GPHN: variants seen among roughly 807,000 people sequenced by gnomAD.
The protein encoded by GPHN is gephyrin.
In GPHN, 17 loss-of-function variants were observed where a neutral mutation model predicts 95.5. That is an observed-to-expected ratio of 0.18 (90% CI 0.12 to 0.27). The LOEUF (loss-of-function observed/expected upper bound fraction) is 0.27, where lower values mean the gene tolerates loss of function less well. Ranked by LOEUF, GPHN falls within the 10% of genes least tolerant of loss-of-function variation. The pLI is 1.00. For missense variants in GPHN, 660 were observed against 978.1 expected (o/e 0.67, Z 4.34); for synonymous variants, 320 against 322.5 (o/e 0.99, Z 0.08).
At chr14:66,819,431 C>G (rs1224298578) in intron 3 of GPHN, among the ~76,000 whole-genome samples, 2 of 151,894 alleles carry the variant, frequency 1.3e-5, no homozygotes, top group Non-Finnish European at 2.9e-5. Context: ...GTCCCCATTG[C>G]TTGTTTTTGT....
chr14:67,674,068 T>A, the GPHN span, among the ~76,000 whole-genome samples: 1 of 152,118 alleles, frequency 6.6e-6, no homozygotes, highest in Non-Finnish European at 1.5e-5. Flanking sequence ...AAAACAGCTA[T>A]GAAAGAAACC....
At chr14:67,435,036 G>A in the GPHN span, among the ~76,000 whole-genome samples, 7 of 145,512 alleles carry the variant, frequency 4.8e-5, no homozygotes, top group African/African-American at 1.3e-4. Flanking sequence ...GTGCCATTTC[G>A]GCTCACTGCA....
intron 4 of GPHN, among the ~76,000 whole-genome samples, chr14:66,871,952 T>A (rs1279786723): frequency 6.6e-6 from 1 of 152,182 alleles, no homozygotes; most frequent in Non-Finnish European, 1.5e-5. Context: ...TAAAAAAAAA[T>A]TTAAATACGT....
chr14:67,579,532 C>A, the GPHN span: 1 of 655,238 alleles, frequency 1.5e-6, no homozygotes, highest in Non-Finnish European at 2.6e-6. Context: ...ATGCCCAGTT[C>A]ATTTACAGTG....
At chr14:66,951,913 G>A (rs2068134109) in intron 8 of GPHN, among the ~76,000 whole-genome samples, 2 of 151,930 alleles carry the variant, frequency 1.3e-5, no homozygotes, top group South Asian at 2.1e-4. Flanking sequence ...TCAACTCCAG[G>A]TGTATTAGAG....
chr14:67,044,828 C>G (rs753927278), intron 10 of GPHN, among the ~76,000 whole-genome samples: 8 of 151,684 alleles, frequency 5.3e-5, no homozygotes, highest in Non-Finnish European at 7.4e-5. Context: ...GTCTCTGTCT[C>G]TCTGTTGGTG....
chr14:66,845,951 G>A (rs538854225), intron 4 of GPHN, among the ~76,000 whole-genome samples: 6 of 152,120 alleles, frequency 3.9e-5, no homozygotes, highest in Admixed American at 6.6e-5. Flanking sequence ...ACTCTGTACC[G>A]TAGTGGCCTA....
intron 11 of GPHN, among the ~76,000 whole-genome samples, chr14:67,079,372 T>C (rs1316099542): frequency 6.6e-6 from 1 of 152,078 alleles, no homozygotes; most frequent in Admixed American, 6.6e-5. Flanking sequence ...AACATTTTCA[T>C]TAATTCAAAA....
the GPHN span, among the ~76,000 whole-genome samples, chr14:67,628,588 T>C: frequency 6.6e-6 from 1 of 152,222 alleles, no homozygotes; most frequent in African/African-American, 2.4e-5. Flanking sequence ...ATACCTCTTA[T>C]CAAAAGTTTT....
chr14:67,153,378 G>A (rs1197344197), intron 18 of GPHN, among the ~76,000 whole-genome samples: 3 of 152,192 alleles, frequency 2.0e-5, no homozygotes, highest in Non-Finnish European at 4.4e-5. Context: ...GCATGGATGG[G>A]TTCTGGTGAG....
chr14:66,610,888 G>T (rs1287611495), intron 1 of GPHN, among the ~76,000 whole-genome samples: 1 of 152,054 alleles, frequency 6.6e-6, no homozygotes, highest in African/African-American at 2.4e-5. Context: ...CTGAAGACAG[G>T]CCAAGATAAT....
At chr14:67,254,872 C>T in the GPHN span, among the ~76,000 whole-genome samples, 859 of 152,286 alleles carry the variant, frequency 5.6e-3, 8 homozygotes, top group African/African-American at 0.02. Flanking sequence ...AATCTCTGGC[C>T]GGGCGCAGTG....
At chr14:66,652,427 A>C (rs1490744594) in intron 1 of GPHN, among the ~76,000 whole-genome samples, 2 of 151,878 alleles carry the variant, frequency 1.3e-5, no homozygotes, top group African/African-American at 4.8e-5. Flanking sequence ...ATATAATATC[A>C]TTCTATGTAA....
chr14:66,567,985 T>C (rs1297928723), intron 1 of GPHN, among the ~76,000 whole-genome samples: 2 of 152,184 alleles, frequency 1.3e-5, no homozygotes, highest in Non-Finnish European at 2.9e-5. Context: ...CGATGAGTGA[T>C]AGTTAAGAAG....
intron 3 of GPHN, among the ~76,000 whole-genome samples, chr14:66,816,695 A>G (rs1596002194): frequency 6.6e-6 from 1 of 152,210 alleles, no homozygotes. Context: ...CCATCAAAAA[A>G]GTTAGAAAGA....
the GPHN span, among the ~76,000 whole-genome samples, chr14:67,411,655 A>C: frequency 1.3e-5 from 2 of 152,222 alleles, no homozygotes; most frequent in Non-Finnish European, 2.9e-5. Context: ...CCTCCTTCAC[A>C]GGTTGTAAAT....
At chr14:66,603,837 A>T (rs899112561) in intron 1 of GPHN, among the ~76,000 whole-genome samples, 6 of 131,146 alleles carry the variant, frequency 4.6e-5, no homozygotes, top group Non-Finnish European at 8.9e-5. Flanking sequence ...TCAAATCTAA[A>T]AATTAGAAAG....
chr14:66,761,815 A>C (rs2058767489), intron 2 of GPHN, among the ~76,000 whole-genome samples: 1 of 150,568 alleles, frequency 6.6e-6, no homozygotes. Flanking sequence ...ACCCACCACC[A>C]CTCCCAGCTA....
chr14:66,927,622 C>T (rs2066551401), intron 8 of GPHN, among the ~76,000 whole-genome samples: 1 of 152,056 alleles, frequency 6.6e-6, no homozygotes, highest in Admixed American at 6.6e-5. Context: ...TGTTCCAGAT[C>T]TTAGAGGAAA....
Sources: allele counts gnomAD v4.1 joint callset (sites outside exome capture counted in the v4.1 genomes callset), GRCh38; gene constraint gnomAD v4.1.1; transcripts MANE v1.5; gene names NCBI Gene and HGNC (gene_info 2026-07-23, HGNC 2026-07-21).